Variants in LRFN2 observed in about 807,000 individuals in gnomAD.
The protein encoded by LRFN2 is leucine rich repeat and fibronectin type III domain containing 2.
Under a neutral mutation model 37.3 loss-of-function variants are expected in LRFN2, and 18 were observed. The ratio of observed to expected loss-of-function variants is 0.48; its 90% CI spans 0.33 to 0.72. The LOEUF is 0.72. Among genes scored for constraint, LRFN2 ranks in the 30% least tolerant of loss-of-function variants. The probability of loss-of-function intolerance (pLI) is 0.02; values close to 1 mark genes in which losing one functional copy is unlikely to be tolerated. For synonymous variants in LRFN2, 556 were observed against 466.6 expected, an observed-to-expected ratio of 1.19 and a Z score of -2.47; for missense variants, 1,006 against 1,060.7, an observed-to-expected ratio of 0.95 and a Z score of 0.72.
At chr6:40,474,545 G>A (rs1011455371) in intron 1 of LRFN2, among the ~76,000 whole-genome samples, 12 of 151,934 alleles carry the variant, frequency 7.9e-5, no homozygotes, top group Non-Finnish European at 1.2e-4. Context: ...GCTGGAGTGC[G>A]GTGGCACGAT....
chr6:40,459,032 C>A (rs983581490), intron 1 of LRFN2, among the ~76,000 whole-genome samples: 4 of 152,218 alleles, frequency 2.6e-5, no homozygotes, highest in African/African-American at 9.6e-5. Context: ...GATGCTACAA[C>A]AAATGTTTTA....
At chr6:40,474,024 T>C (rs1177119945) in intron 1 of LRFN2, among the ~76,000 whole-genome samples, 1 of 152,076 alleles carries the variant, frequency 6.6e-6, no homozygotes, top group African/African-American at 2.4e-5. Flanking sequence ...AACACAGTCA[T>C]GCAAAATGGT....
At chr6:40,450,406 G>A (rs992895652) in intron 1 of LRFN2, among the ~76,000 whole-genome samples, 16 of 152,172 alleles carry the variant, frequency 1.1e-4, no homozygotes, top group African/African-American at 3.9e-4. Flanking sequence ...TTTCAACTCG[G>A]GTGAAAACAA....
intron 2 of LRFN2, among the ~76,000 whole-genome samples, chr6:40,419,373 C>T (rs564877576): frequency 6.6e-6 from 1 of 152,276 alleles, no homozygotes; most frequent in Admixed American, 6.5e-5. Context: ...TTTCTGCTAT[C>T]ACCATGAGAA....
At chr6:40,457,323 G>C (rs565540619) in intron 1 of LRFN2, among the ~76,000 whole-genome samples, 1 of 151,990 alleles carries the variant, frequency 6.6e-6, no homozygotes, top group Non-Finnish European at 1.5e-5. Flanking sequence ...AAGAAAGCCC[G>C]TCATTCCACA....
At chr6:40,469,034 T>A (rs2113855542) in intron 1 of LRFN2, among the ~76,000 whole-genome samples, 1 of 152,208 alleles carries the variant, frequency 6.6e-6, no homozygotes, top group African/African-American at 2.4e-5. Context: ...TTTCCAGATG[T>A]AATTTAGTTA....
At chr6:40,408,587 A>G (rs1366400678) in intron 2 of LRFN2, among the ~76,000 whole-genome samples, 1 of 152,236 alleles carries the variant, frequency 6.6e-6, no homozygotes, top group African/African-American at 2.4e-5. Flanking sequence ...GGTTCACAGC[A>G]GCTGGGCCTG....
chr6:40,434,529 C>T (rs7771368), intron 1 of LRFN2, among the ~76,000 whole-genome samples: 43,325 of 149,558 alleles, frequency 0.29, 6,724 homozygotes, highest in African/African-American at 0.39. Flanking sequence ...CCCAGGGGAG[C>T]GCAGTGGCGC....
chr6:40,562,840 C>CACAT (rs1245553310), intron 1 of LRFN2, among the ~76,000 whole-genome samples: 1 of 147,676 alleles, frequency 6.8e-6, no homozygotes, highest in East Asian at 2.0e-4. Flanking sequence ...CTCACTCACA[C>CACAT]ACACACACAC....
In LRFN2 at chr6:40,508,892, C is replaced by T. The variant is rs574802361; in HGVS notation, c.-18-75761G>A. Among the ~76,000 whole-genome samples the T allele has an allele frequency of 2.8e-3, 429 of 152,318 alleles. 4 individuals are homozygous for T. Among genetic ancestry groups the T allele is most frequent in the African/African-American group, 8.7e-3 (362 of 41,560 alleles). On this transcript the variant is annotated intron_variant, in intron 1 of 2. Transcript: ENST00000338305. Reference sequence around the variant, plus strand: ...CATGATCTTGGATATGCCATGGGCCCTCTCTGGACCTCATTCTCACATCCA... The same window carrying T: ...CATGATCTTGGATATGCCATGGGCCTTCTCTGGACCTCATTCTCACATCCA...
intron 1 of LRFN2, among the ~76,000 whole-genome samples, chr6:40,508,274 G>A (rs1317998259): frequency 6.6e-6 from 1 of 152,208 alleles, no homozygotes; most frequent in South Asian, 2.1e-4. Context: ...GGCAGATCAG[G>A]GCTTTGGCCT....
intron 2 of LRFN2, among the ~76,000 whole-genome samples, chr6:40,393,561 G>A (rs1485653731): frequency 6.6e-6 from 1 of 152,032 alleles, no homozygotes; most frequent in Non-Finnish European, 1.5e-5. Flanking sequence ...AGGCAGAGAG[G>A]TTAAAGTGTG....
At chr6:40,417,186 T>G (rs1389753812) in intron 2 of LRFN2, among the ~76,000 whole-genome samples, 2 of 152,186 alleles carry the variant, frequency 1.3e-5, no homozygotes, top group Non-Finnish European at 2.9e-5. Context: ...AAAGCAGCCT[T>G]GGGAAGCAGC....
At chr6:40,405,444 T>TA (rs1428808860) in intron 2 of LRFN2, among the ~76,000 whole-genome samples, 1 of 152,192 alleles carries the variant, frequency 6.6e-6, no homozygotes, top group African/African-American at 2.4e-5. Flanking sequence ...ATAGGGTTGT[T>TA]ATGAGGATTC....
In LRFN2 at chr6:40,431,905, G is replaced by T. The variant is rs756121681; in HGVS notation, c.1209C>A (p.Ser403Arg). 7 of 1,612,226 alleles carry T rather than the reference G, an allele frequency of 4.3e-6. No homozygotes were observed. Residue 403 changes from serine to arginine, a missense_variant, in exon 2 of 3, where the codon AGC (serine) becomes AGA (arginine). Coordinates refer to ENST00000338305, the MANE Select transcript of LRFN2 (RefSeq NM_020737.3). ...TGCCTCCACCTCCCCGGCTGGTCTTGCTGGAGCCAGTGATGTCTGAGAGGC... is the reference window on the plus strand; with the variant it reads ...TGCCTCCACCTCCCCGGCTGGTCTTTCTGGAGCCAGTGATGTCTGAGAGGC... ...KSRLSDITGSSKTSRGGGGSG... is the reference protein window; with the variant it reads ...KSRLSDITGSRKTSRGGGGSG...
intron 2 of LRFN2, among the ~76,000 whole-genome samples, chr6:40,423,841 C>A (rs760158475): frequency 3.6e-4 from 55 of 152,248 alleles, no homozygotes; most frequent in Non-Finnish European, 6.8e-4. Flanking sequence ...CAATTTTGTG[C>A]TTTTAAGTGA....
At chr6:40,501,749 G>A (rs1765386924) in intron 1 of LRFN2, 2 of 152,108 alleles carry the variant, frequency 1.3e-5, no homozygotes, top group Non-Finnish European at 2.9e-5. Context: ...TCAATACACT[G>A]GCTTGGATGT....
At chr6:40,584,701 G>A (rs543908398) in intron 1 of LRFN2, among the ~76,000 whole-genome samples, 13 of 152,188 alleles carry the variant, frequency 8.5e-5, no homozygotes, top group Non-Finnish European at 1.3e-4. Context: ...CAGACCCCAC[G>A]CCAGGAGCTT....
chr6:40,545,321 G>C (rs901247271), intron 1 of LRFN2, among the ~76,000 whole-genome samples: 1 of 152,220 alleles, frequency 6.6e-6, no homozygotes, highest in Non-Finnish European at 1.5e-5. Context: ...CAGAATGAAG[G>C]TGGTGTGGTT....
Sources: allele counts gnomAD v4.1 joint callset (sites outside exome capture counted in the v4.1 genomes callset), GRCh38; gene constraint gnomAD v4.1.1; transcripts MANE v1.5; gene names NCBI Gene and HGNC (gene_info 2026-07-23, HGNC 2026-07-21).